THSD7A: variants seen among roughly 807,000 people sequenced by gnomAD.
The protein encoded by THSD7A is thrombospondin type 1 domain containing 7A.
In THSD7A, 96 loss-of-function variants were observed where a neutral mutation model predicts 231.3. The observed-to-expected ratio is 0.41, with a 90% CI of 0.35 to 0.49. The LOEUF (loss-of-function observed/expected upper bound fraction) is 0.49, where lower values mean the gene tolerates loss of function less well. THSD7A is among the 20% of genes least tolerant of loss of function. The pLI, the probability that THSD7A is intolerant of heterozygous loss-of-function variation, is 0.05. For synonymous variants in THSD7A, 940 were observed against 743.3 expected, an observed-to-expected ratio of 1.26 and a Z score of -4.30; for missense variants, 2,290 against 2,070.2, an observed-to-expected ratio of 1.11 and a Z score of -2.06.
At chr7:11,800,854 A>G (rs1784254736) in intron 1 of THSD7A, among the ~76,000 whole-genome samples, 1 of 152,188 alleles carries the variant, frequency 6.6e-6, no homozygotes, top group Non-Finnish European at 1.5e-5. Flanking sequence ...GCACGTTAAT[A>G]AAAGAGGATA....
intron 23 of THSD7A, among the ~76,000 whole-genome samples, chr7:11,392,283 G>A (rs1269126665): frequency 1.3e-5 from 2 of 152,006 alleles, no homozygotes; most frequent in Admixed American, 6.5e-5. Context: ...CACCTGGGAA[G>A]TGCGAGGGGT....
chr7:11,482,326 A>T (rs568470524), intron 6 of THSD7A, among the ~76,000 whole-genome samples: 2 of 152,310 alleles, frequency 1.3e-5, no homozygotes, highest in East Asian at 3.9e-4. Flanking sequence ...TCAACAAAGC[A>T]TGTCCCCTCT....
Position 11,670,275 on chromosome 7 carries a change from CT to C in THSD7A, c.191-33315del, listed in dbSNP as rs1783328754. Reference sequence around the variant, plus strand: ...GGAAGGCTGGGCTAAGGAGTTTAACCTTTAGGTTCTGTGGTGTAGTCAATGG... The same window carrying C: ...GGAAGGCTGGGCTAAGGAGTTTAACCTTAGGTTCTGTGGTGTAGTCAATGG... On this transcript the variant is annotated intron_variant, in intron 1 of 27. Transcript: ENST00000423059. Among the ~76,000 whole-genome samples the C allele has an allele frequency of 2.0e-5, 3 of 152,202 alleles. No homozygotes were observed. In the South Asian group the frequency reaches 6.2e-4, roughly 32 times the overall value.
At chr7:11,799,089 A>G (rs2128180719) in intron 1 of THSD7A, among the ~76,000 whole-genome samples, 1 of 152,092 alleles carries the variant, frequency 6.6e-6, no homozygotes, top group East Asian at 1.9e-4. Flanking sequence ...CACCCAGATA[A>G]TTTTTGTATT....
At chr7:11,586,865 C>T (rs1249254278) in intron 4 of THSD7A, among the ~76,000 whole-genome samples, 1 of 152,096 alleles carries the variant, frequency 6.6e-6, no homozygotes, top group African/African-American at 2.4e-5. Context: ...TGCTATATCT[C>T]ATTCTATGTC....
chr7:11,621,540 T>C (rs1407306773), intron 2 of THSD7A, among the ~76,000 whole-genome samples: 1 of 152,126 alleles, frequency 6.6e-6, no homozygotes, highest in African/African-American at 2.4e-5. Flanking sequence ...ATTTATCTTT[T>C]TTATTATATA....
intron 6 of THSD7A, among the ~76,000 whole-genome samples, chr7:11,492,846 G>A (rs983573600): frequency 1.6e-4 from 24 of 152,126 alleles, no homozygotes; most frequent in Admixed American, 3.9e-4. Context: ...ACTTTGAACC[G>A]TAAAGACTAG....
intron 2 of THSD7A, among the ~76,000 whole-genome samples, chr7:11,629,502 T>A (rs926073322): frequency 1.3e-5 from 2 of 152,168 alleles, no homozygotes; most frequent in African/African-American, 2.4e-5. Context: ...AGTAGTAATT[T>A]TATAAATGGA....
chr7:11,466,341 C>T (rs1670068174), intron 9 of THSD7A, among the ~76,000 whole-genome samples: 1 of 152,058 alleles, frequency 6.6e-6, no homozygotes, highest in South Asian at 2.1e-4. Flanking sequence ...GGGTTATTTC[C>T]ATTTCTTATG....
intron 6 of THSD7A, among the ~76,000 whole-genome samples, chr7:11,509,238 A>G (rs1223754658): frequency 1.3e-5 from 2 of 152,176 alleles, no homozygotes; most frequent in Non-Finnish European, 2.9e-5. Context: ...GGGCTTTGAT[A>G]TGGACATGTT....
At chr7:11,633,669 G>A (rs914286169) in intron 2 of THSD7A, among the ~76,000 whole-genome samples, 1 of 152,060 alleles carries the variant, frequency 6.6e-6, no homozygotes, top group Non-Finnish European at 1.5e-5. Flanking sequence ...GACTGTAACC[G>A]TTTCCTGCTG....
At chr7:11,724,759 C>A (rs1365519086) in intron 1 of THSD7A, among the ~76,000 whole-genome samples, 1 of 151,674 alleles carries the variant, frequency 6.6e-6, no homozygotes, top group South Asian at 2.1e-4. Context: ...TTACATATAC[C>A]AGAATACACA....
intron 7 of THSD7A, among the ~76,000 whole-genome samples, chr7:11,477,998 TG>T (rs1412711527): frequency 1.3e-5 from 2 of 152,212 alleles, no homozygotes; most frequent in Non-Finnish European, 2.9e-5. Flanking sequence ...CCAATTCCAA[TG>T]CTGTACCACA....
chr7:11,654,092 T>A (rs577627086), intron 1 of THSD7A, among the ~76,000 whole-genome samples: 10 of 152,034 alleles, frequency 6.6e-5, no homozygotes, highest in South Asian at 2.1e-4. Context: ...AAAAGAAGAA[T>A]CTCTGATAAT....
chr7:11,443,992 T>C (rs1041165632), intron 13 of THSD7A, among the ~76,000 whole-genome samples: 1 of 152,008 alleles, frequency 6.6e-6, no homozygotes, highest in African/African-American at 2.4e-5. Flanking sequence ...GGGCAAAGGA[T>C]ATGAACAGGC....
In THSD7A at chr7:11,541,454, G is replaced by A. The variant is rs544323662; in HGVS notation, c.1787C>T (p.Thr596Met). 9 of 1,613,802 alleles carry A rather than the reference G, an allele frequency of 5.6e-6. No homozygotes were observed. The highest frequency in any genetic ancestry group is 2.2e-5 in the East Asian group (1 of 44,872). The change falls in exon 6 of 28, where the codon ACG (threonine) becomes ATG (methionine). Residue 596 changes from threonine to methionine, a missense_variant. Coordinates refer to ENST00000423059, the MANE Select transcript of THSD7A (RefSeq NM_015204.3). ...PDNGKECGPG[T>M]QVQEVVCINS... ...GATGCACACAACCTCTTGAACTTGC[G>A]TGCCTGGACCACACTCCTTTCCGTT...
chr7:11,476,733 T>C (rs1786200776), intron 7 of THSD7A, among the ~76,000 whole-genome samples: 1 of 150,946 alleles, frequency 6.6e-6, no homozygotes, highest in Non-Finnish European at 1.5e-5. Flanking sequence ...GAGAATCGCT[T>C]GAGCCTGGGA....
intron 23 of THSD7A, among the ~76,000 whole-genome samples, chr7:11,388,188 T>G (rs555878294): frequency 2.0e-5 from 3 of 151,362 alleles, no homozygotes; most frequent in Admixed American, 6.6e-5. Flanking sequence ...TGTCTTGGTA[T>G]CAGGATGATG....
At chr7:11,570,666 T>C (rs973720990) in intron 4 of THSD7A, among the ~76,000 whole-genome samples, 1 of 152,208 alleles carries the variant, frequency 6.6e-6, no homozygotes, top group Non-Finnish European at 1.5e-5. Flanking sequence ...TTTTACATCA[T>C]TCAAAGTTTA....
Sources: allele counts gnomAD v4.1 joint callset (sites outside exome capture counted in the v4.1 genomes callset), GRCh38; gene constraint gnomAD v4.1.1; transcripts MANE v1.5; gene names NCBI Gene and HGNC (gene_info 2026-07-23, HGNC 2026-07-21).